Variants in MECOM observed in about 807,000 individuals in gnomAD.
The protein encoded by MECOM is histone-lysine N-methyltransferase MECOM.
Under a neutral mutation model 116.3 loss-of-function variants are expected in MECOM, and 13 were observed. The observed-to-expected ratio is 0.11, with a 90% confidence interval of 0.07 to 0.18. The LOEUF is 0.18. MECOM is among the 10% of genes least tolerant of loss of function. The pLI is 1.00. For synonymous variants in MECOM, 528 were observed against 535.2 expected, an observed-to-expected ratio of 0.99 and a Z score of 0.19; for missense variants, 1,299 against 1,509.0, an observed-to-expected ratio of 0.86 and a Z score of 2.31.
At chr3:169,342,571 T>A (rs1180749596) in intron 2 of MECOM, among the ~76,000 whole-genome samples, 2 of 152,136 alleles carry the variant, frequency 1.3e-5, no homozygotes, top group East Asian at 3.8e-4. Flanking sequence ...TATCAAACAT[T>A]TAAAAAATGA....
At chr3:169,621,402 T>A (rs944764812) in intron 1 of MECOM, among the ~76,000 whole-genome samples, 1 of 152,222 alleles carries the variant, frequency 6.6e-6, no homozygotes, top group African/African-American at 2.4e-5. Context: ...GTAGTCATAA[T>A]AGTAGTAGCA....
At chr3:169,148,985 C>G (rs185381761) in intron 2 of MECOM, among the ~76,000 whole-genome samples, 2 of 151,840 alleles carry the variant, frequency 1.3e-5, no homozygotes, top group Non-Finnish European at 2.9e-5. Context: ...CAGATATTCC[C>G]GTAGAGTTGG....
chr3:169,275,888 T>A (rs112918795), intron 2 of MECOM, among the ~76,000 whole-genome samples: 1 of 152,246 alleles, frequency 6.6e-6, no homozygotes, highest in African/African-American at 2.4e-5. Flanking sequence ...CCATGCTGAA[T>A]TGAATTCTTA....
chr3:169,232,706 G>A (rs1753551396), intron 2 of MECOM, among the ~76,000 whole-genome samples: 1 of 151,642 alleles, frequency 6.6e-6, no homozygotes, highest in African/African-American at 2.4e-5. Context: ...CTATGCTTGT[G>A]GTGCAGTTTG....
intron 1 of MECOM, among the ~76,000 whole-genome samples, chr3:169,438,175 A>G (rs1743010998): frequency 2.6e-5 from 4 of 152,338 alleles, no homozygotes; most frequent in South Asian, 2.1e-4. Flanking sequence ...CTTTATCCCT[A>G]AACTATACAC....
intron 1 of MECOM, among the ~76,000 whole-genome samples, chr3:169,570,362 A>C (rs1763733939): frequency 6.6e-6 from 1 of 152,220 alleles, no homozygotes; most frequent in African/African-American, 2.4e-5. Context: ...CTACCAATCA[A>C]AAAAAGCCCA....
intron 1 of MECOM, chr3:169,477,103 GTGTA>G (rs1444508882): frequency 4.4e-4 from 25 of 56,276 alleles, no homozygotes; most frequent in African/African-American, 1.6e-3. Flanking sequence ...GTGTGTGTGT[GTGTA>G]TATATATATA....
rs140950792 is a variant in MECOM at position 169,335,202 on chromosome 3, C to A, written c.375+45985G>T. Among the ~76,000 whole-genome samples, 123 of 152,224 alleles carry A rather than the reference C, an allele frequency of 8.1e-4. No homozygotes were observed. In the East Asian group the frequency reaches 0.015, roughly 19 times the overall value. ...TGGCTATGAGACAAAACTACTCACA[C>A]ACATCAGACAAGCCATATGAAAACA... is the stretch of plus-strand genomic sequence containing the variant. On this transcript the variant is annotated intron_variant, in intron 2 of 16. Transcript: ENST00000651503.
rs1720307839 is a variant in MECOM at position 169,093,074 on chromosome 3, T to G, written c.3048A>C (p.Glu1016Asp). 6.2e-7 allele frequency: 1 copy of G among 1,612,862 alleles called. No homozygotes were observed. Among genetic ancestry groups the G allele is most frequent in the East Asian group, 2.2e-5 (1 of 44,864 alleles). The change falls in exon 14 of 17, where the codon GAA becomes GAC. Residue 1016 changes from glutamate (E) to aspartate (D), a missense_variant. Around this residue, in one of 6 missense-constraint regions of MECOM, gnomAD observed 273 missense variants for 289.3 expected, o/e 0.94. Transcript: ENST00000651503. ...SGTATSSPHS[E>D]LESTGAILDD... ...CCAGAATCGCACCTGTACTTTCCAG[T>G]TCAGAATGAGGCGACGATGTTGCTG...
At chr3:169,280,509 G>C (rs1326019171) in intron 2 of MECOM, among the ~76,000 whole-genome samples, 1 of 152,064 alleles carries the variant, frequency 6.6e-6, no homozygotes, top group Non-Finnish European at 1.5e-5. Context: ...ATTTAGAAAT[G>C]AAATTCCATG....
intron 1 of MECOM, among the ~76,000 whole-genome samples, chr3:169,389,768 G>C (rs2108327541): frequency 6.6e-6 from 1 of 152,278 alleles, no homozygotes; most frequent in African/African-American, 2.4e-5. Context: ...CTAAAAGAAG[G>C]CAGGCATTTC....
rs1734652185 is a variant in MECOM at position 169,131,415 on chromosome 3, T to G, written c.613+14A>C. On this transcript the variant is annotated intron_variant, in intron 4 of 16. Coordinates refer to ENST00000651503, the MANE Select transcript of MECOM (RefSeq NM_004991.4). ...TGATAAGGTGATAAGGAGGGTGGCG[T>G]GAGTGGTACTAACCGTGGATATCCG... The G allele has an allele frequency of 6.2e-7, 1 of 1,605,392 alleles. No homozygotes were observed. The highest frequency in any genetic ancestry group is 1.3e-5 in the African/African-American group (1 of 74,852).
At chr3:169,132,161 T>C (rs1227801996) in intron 3 of MECOM, among the ~76,000 whole-genome samples, 2 of 152,220 alleles carry the variant, frequency 1.3e-5, no homozygotes, top group Non-Finnish European at 2.9e-5. Flanking sequence ...AAGTAGGCAT[T>C]ATGCATTTTA....
At chr3:169,126,358 G>A (rs1732836875) in intron 5 of MECOM, among the ~76,000 whole-genome samples, 1 of 152,016 alleles carries the variant, frequency 6.6e-6, no homozygotes. Context: ...TAACACAACT[G>A]AAGGAAATGG....
Position 169,523,674 on chromosome 3 carries a change from T to A in MECOM, c.37+139662A>T, listed in dbSNP as rs9861202. Among the ~76,000 whole-genome samples, 659 of 152,112 alleles carry A rather than the reference T, an allele frequency of 4.3e-3. 5 individuals carry two copies. The highest frequency in any genetic ancestry group is 0.015 in the African/African-American group (634 of 41,524). ...TTTATTATCTATGCAATGTAAGAAA[T>A]GTTTTTTAACCAGAACCCCTAAGTT... On this transcript the variant is annotated intron_variant, in intron 1 of 16. Coordinates refer to ENST00000651503, the MANE Select transcript of MECOM (RefSeq NM_004991.4).
At chr3:169,451,858 T>C (rs1745660302) in intron 1 of MECOM, among the ~76,000 whole-genome samples, 1 of 152,048 alleles carries the variant, frequency 6.6e-6, no homozygotes, top group African/African-American at 2.4e-5. Flanking sequence ...CCTGCGAGCA[T>C]GTTTAAAATA....
intron 1 of MECOM, among the ~76,000 whole-genome samples, chr3:169,415,595 CAA>C (rs1383281523): frequency 6.6e-6 from 1 of 151,804 alleles, no homozygotes; most frequent in Non-Finnish European, 1.5e-5. Context: ...CAAATTGGAT[CAA>C]GAGTCAAGAC....
chr3:169,498,899 A>C (rs573062923), intron 1 of MECOM, among the ~76,000 whole-genome samples: 1 of 152,306 alleles, frequency 6.6e-6, no homozygotes, highest in Admixed American at 6.5e-5. Flanking sequence ...AACAATACTT[A>C]TGAAAAAAAC....
chr3:169,130,390 C>T (rs1560229742), intron 4 of MECOM, among the ~76,000 whole-genome samples: 1 of 152,130 alleles, frequency 6.6e-6, no homozygotes, highest in Non-Finnish European at 1.5e-5. Flanking sequence ...TAATTGGGAA[C>T]TCTAGGTTTC....
Sources: gnomAD v4.1 joint callset for allele counts (sites outside exome capture counted in the v4.1 genomes callset) on GRCh38, gnomAD v4.1.1 for gene constraint, gnomAD v4.1.1 regional missense constraint, MANE v1.5 for transcripts, NCBI Gene and HGNC (gene_info 2026-07-23, HGNC 2026-07-21) for gene names.